The following OR10A2 variants were observed in gnomAD, a reference collection of about 807,000 sequenced individuals.
OR10A2 encodes olfactory receptor family 10 subfamily A member 2, also known as olfactory receptor 10A2.
Under a neutral mutation model 13.7 loss-of-function variants are expected in OR10A2, and 15 were observed. That is an observed-to-expected ratio of 1.10 (90% CI 0.73 to 1.69). The LOEUF is 1.69. OR10A2 is among the 40% of genes most tolerant of loss of function. OR10A2 has a pLI of 0.00. For synonymous variants in OR10A2, 145 were observed against 144.7 expected (o/e 1.00, Z -0.02); for missense variants, 343 against 361.1 (o/e 0.95, Z 0.41).
At position 6,870,024 on chromosome 11, in the gene OR10A2, C is replaced by T. The variant is rs1456501811; in HGVS notation, c.270C>T (p.Phe90=). ...SFLGCATQMY[F]FFFFGVAECF... Reference sequence around the variant, plus strand: ...TTGGCTGTGCCACTCAGATGTATTTCTTCTTCTTCTTTGGAGTGGCTGAAT... The same window carrying T: ...TTGGCTGTGCCACTCAGATGTATTTTTTCTTCTTCTTTGGAGTGGCTGAAT... The change falls in exon 2 of 2, where the codon TTC becomes TTT. Residue 90 remains phenylalanine (F), a synonymous_variant. Transcript: ENST00000641461. The T allele has an allele frequency of 6.2e-7, 1 of 1,612,474 alleles. No homozygotes were observed. Among genetic ancestry groups the T allele is most frequent in the Non-Finnish European group, 8.5e-7 (1 of 1,178,482 alleles).
chr11:6,873,217 C>A lies in OR10A2; in HGVS notation c.*2551C>A, dbSNP rs1848454039. 1 of 152,152 alleles carries A rather than the reference C, an allele frequency of 6.6e-6. No individual in the cohort carries two copies. The highest frequency in any genetic ancestry group is 2.1e-4 in the South Asian group (1 of 4,828). 9.4% of individuals were successfully genotyped at this position (152,152 alleles called of 1,614,324 possible). On this transcript the variant is annotated 3_prime_UTR_variant, in exon 2 of 2. Transcript: ENST00000641461. Reference sequence around the variant, plus strand: ...AAGTAGGGCTAGGGTTAGGGCTAGACTCAAAATACATGCAACTTTAAAGAC... The same window carrying A: ...AAGTAGGGCTAGGGTTAGGGCTAGAATCAAAATACATGCAACTTTAAAGAC...
Position 6,870,093 on chromosome 11 carries a change from C to A in OR10A2, c.339C>A (p.Ile113=), listed in dbSNP as rs199800429. The part of the protein sequence containing the change: ...ATMAYDRYVA[I]CSPLHYPVIM... ...TGGCATATGACCGCTATGTGGCCAT[C>A]TGCAGTCCCTTGCACTACCCAGTCA... Residue 113 remains isoleucine (I), a synonymous_variant, in exon 2 of 2, where the codon ATC becomes ATA. Coordinates refer to ENST00000641461, the MANE Select transcript of OR10A2 (RefSeq NM_001004460.2). 5.0e-6 allele frequency: 8 copies of A among 1,614,240 alleles called. No individual in the cohort carries two copies. The African/African-American group carries it at 8.0e-5, about 16-fold the overall frequency.
At chr11:6,867,791 C>G (rs1475995358) in intron 1 of OR10A2, among the ~76,000 whole-genome samples, 2 of 151,994 alleles carry the variant, frequency 1.3e-5, no homozygotes, top group Non-Finnish European at 2.9e-5. Context: ...ACTCTGTCAC[C>G]CAGGCTGGAG....
rs1848465809 is a variant in OR10A2, at chr11:6,874,465, T to A, written c.*3799T>A. ...TGCCCATCTTTAGAAATTGTGTTGC[T>A]TTGTTCTTACTACCACCCTGTACTG... On this transcript the variant is annotated 3_prime_UTR_variant, in exon 2 of 2. Transcript: ENST00000641461. 6.6e-6 allele frequency: 1 copy of A among 152,234 alleles called. No individual in the cohort carries two copies. The highest frequency in any genetic ancestry group is 2.1e-4 in the South Asian group (1 of 4,828). The allele number at this position is 152,234 out of a possible 1,614,324, so 9.4% of individuals were successfully genotyped here. A position where few individuals can be genotyped will look rare whatever the true frequency, so the allele number is the denominator to read the frequency against.
chr11:6,871,373 T>C lies in OR10A2; in HGVS notation c.*707T>C, dbSNP rs1293079158. The C allele has an allele frequency of 2.6e-5, 4 of 151,174 alleles. No homozygotes were observed. The highest frequency in any genetic ancestry group is 4.2e-4 in the South Asian group (2 of 4,710). 9.4% of individuals were successfully genotyped at this position (151,174 alleles called of 1,614,324 possible). A position where few individuals can be genotyped will look rare whatever the true frequency, so the allele number is the denominator to read the frequency against. ...AATCATCTTGTCACTTTTCCTCTTC[T>C]GGGCAGATCTGACTCTACATTCATG... On this transcript the variant is annotated 3_prime_UTR_variant, in exon 2 of 2. Coordinates refer to ENST00000641461, the MANE Select transcript of OR10A2 (RefSeq NM_001004460.2).
rs572380906 is a variant in OR10A2, at chr11:6,868,653, TAA to T, written c.-132-968_-132-967del. Reference sequence around the variant, plus strand: ...CAGTTCTGGTTTTTACTGTTCCTAATAAAGTTTTTAATTTTTATTATTAATTT... The same window carrying T: ...CAGTTCTGGTTTTTACTGTTCCTAATAGTTTTTAATTTTTATTATTAATTT... On this transcript the variant is annotated intron_variant, in intron 1 of 1. Transcript: ENST00000641461. 1.6e-3 allele frequency among the ~76,000 whole-genome samples: 236 copies of T among 148,944 alleles called. 1 individual carries two copies. The highest frequency in any genetic ancestry group is 5.7e-3 in the African/African-American group (233 of 41,116).
In OR10A2 at chr11:6,863,962, T is replaced by A. The variant is rs1294466851; in HGVS notation, c.-133+611T>A. Among the ~76,000 whole-genome samples the A allele has an allele frequency of 2.0e-5, 3 of 152,216 alleles. No individual in the cohort carries two copies. The South Asian group carries it at 6.2e-4, about 32-fold the overall frequency. ...AAACTTTGTTAAAACATTATAAGAT[T>A]TTTTTCCTTTCTTTTTTGCTTATAA... On this transcript the variant is annotated intron_variant, in intron 1 of 1. Coordinates refer to ENST00000641461, the MANE Select transcript of OR10A2 (RefSeq NM_001004460.2).
Position 6,869,750 on chromosome 11 carries a change from T to C in OR10A2, c.-5T>C. The C allele has an allele frequency of 1.9e-6, 3 of 1,612,588 alleles. No individual in the cohort carries two copies. The highest frequency in any genetic ancestry group is 2.5e-6 in the Non-Finnish European group (3 of 1,178,812). ...AACTGGACAAGAATAAGTGAGTTTATCCTCATGAGCTTCTCTTCCCTGCCT... is the reference window on the plus strand; with the variant it reads ...AACTGGACAAGAATAAGTGAGTTTACCCTCATGAGCTTCTCTTCCCTGCCT... On this transcript the variant is annotated 5_prime_UTR_variant, in exon 2 of 2. Transcript: ENST00000641461.
In OR10A2 at chr11:6,872,029, CAACAAT is replaced by C. The variant is rs2133071281; in HGVS notation, c.*1368_*1373del. 1 of 152,196 alleles carries C rather than the reference CAACAAT, an allele frequency of 6.6e-6. No homozygotes were observed. Among genetic ancestry groups the C allele is most frequent in the African/African-American group, 2.4e-5 (1 of 41,528 alleles). The allele number at this position is 152,196 out of a possible 1,614,324, so 9.4% of individuals were successfully genotyped here. On this transcript the variant is annotated 3_prime_UTR_variant, in exon 2 of 2. Transcript: ENST00000641461. ...ATGAGGTGTTTGTTTCCCCACAACT[CAACAAT>C]AACATTTCTCATGAAATATTTAGAA...
chr11:6,874,694 G>A lies in OR10A2; in HGVS notation c.*4028G>A, dbSNP rs988720290. The A allele has an allele frequency of 1.3e-5, 2 of 152,170 alleles. No individual in the cohort carries two copies. Among genetic ancestry groups the A allele is most frequent in the African/African-American group, 4.8e-5 (2 of 41,432 alleles). The allele number at this position is 152,170 out of a possible 1,614,324, so 9.4% of individuals were successfully genotyped here. On this transcript the variant is annotated 3_prime_UTR_variant, in exon 2 of 2. Coordinates refer to ENST00000641461, the MANE Select transcript of OR10A2 (RefSeq NM_001004460.2). ...AATACTATCTGTATCTTCAGGTGTT[G>A]TGAGAATCAAATAAGATAATACATG... is the stretch of plus-strand genomic sequence containing the variant.
Position 6,864,880 on chromosome 11 carries a change from C to T in OR10A2, c.-133+1529C>T, listed in dbSNP as rs574010378. On this transcript the variant is annotated intron_variant, in intron 1 of 1. Transcript: ENST00000641461. Reference sequence around the variant, plus strand: ...TAAATTTTTCTGTTTTAAGTTCAGGCTCTGCCATTTATTTTCCATATAATT... The same window carrying T: ...TAAATTTTTCTGTTTTAAGTTCAGGTTCTGCCATTTATTTTCCATATAATT... 6.0e-5 allele frequency among the ~76,000 whole-genome samples: 9 copies of T among 149,344 alleles called. No individual in the cohort carries two copies. The South Asian group carries it at 1.7e-3, about 28-fold the overall frequency.
At position 6,869,777 on chromosome 11, in the gene OR10A2, C is replaced by A; in HGVS notation, c.23C>A (p.Thr8Asn). ...CTCATGAGCTTCTCTTCCCTGCCTACTGAAATACAGTCATTACTCTTTCTG... is the reference window on the plus strand; with the variant it reads ...CTCATGAGCTTCTCTTCCCTGCCTAATGAAATACAGTCATTACTCTTTCTG... MSFSSLP[T>N]EIQSLLFLTF... The change falls in exon 2 of 2, where the codon ACT (threonine) becomes AAT (asparagine). Residue 8 changes from threonine to asparagine, a missense_variant. Transcript: ENST00000641461. 1 of 1,614,084 alleles carries A rather than the reference C, an allele frequency of 6.2e-7. No individual in the cohort carries two copies. Among genetic ancestry groups the A allele is most frequent in the Non-Finnish European group, 8.5e-7 (1 of 1,179,920 alleles).
At chr11:6,866,498 A>G (rs1848379540) in intron 1 of OR10A2, among the ~76,000 whole-genome samples, 1 of 152,170 alleles carries the variant, frequency 6.6e-6, no homozygotes, top group African/African-American at 2.4e-5. Context: ...AACATCTCTG[A>G]TACTATTTAC....
rs1848464067 is a variant in OR10A2 at position 6,874,252 on chromosome 11, T to TA, written c.*3586_*3587insA. The TA allele has an allele frequency of 3.3e-5, 5 of 152,226 alleles. No individual in the cohort carries two copies. Among genetic ancestry groups the TA allele is most frequent in the African/African-American group, 1.2e-4 (5 of 41,448 alleles). 9.4% of individuals were successfully genotyped at this position (152,226 alleles called of 1,614,324 possible). The stretch of plus-strand genomic sequence containing the variant: ...TTTTCTTCATTATCTATTAAATTAT[T>TA]CAATAACAATTTACTGGGCATCTAC... On this transcript the variant is annotated 3_prime_UTR_variant, in exon 2 of 2. Coordinates refer to ENST00000641461, the MANE Select transcript of OR10A2 (RefSeq NM_001004460.2).
In OR10A2 at chr11:6,870,766, C is replaced by A; in HGVS notation, c.*100C>A. 9.8e-7 allele frequency: 1 copy of A among 1,015,240 alleles called. No homozygotes were observed. The allele number at this position is 1,015,240 out of a possible 1,614,324, so 62.9% of individuals were successfully genotyped here. On this transcript the variant is annotated 3_prime_UTR_variant, in exon 2 of 2. Coordinates refer to ENST00000641461, the MANE Select transcript of OR10A2 (RefSeq NM_001004460.2). ...TTCCACATCTCCAATAAGATGAAGT[C>A]CTGTTGCTGAAATGGCTTTTGGAAA... is the stretch of plus-strand genomic sequence containing the variant.
rs747363841 is a variant in OR10A2, at chr11:6,870,250, T to C, written c.496T>C (p.Cys166Arg). ...CACCAACAAGGTGAACCACTTCTTC[T>C]GTGACAGCCCACCTGTGCTGAGGCT... ...CGTNKVNHFFCDSPPVLRLVC... is the reference protein window; with the variant it reads ...CGTNKVNHFFRDSPPVLRLVC... Residue 166 changes from cysteine (C) to arginine (R), a missense_variant, in exon 2 of 2, where the codon TGT becomes CGT. Transcript: ENST00000641461. 9 of 1,614,208 alleles carry C rather than the reference T, an allele frequency of 5.6e-6. No individual in the cohort carries two copies. Among genetic ancestry groups the C allele is most frequent in the Middle Eastern group, 1.6e-4 (1 of 6,062 alleles).
chr11:6,869,675 T>C lies in OR10A2; in HGVS notation c.-80T>C, dbSNP rs1848408474. The C allele has an allele frequency of 2.5e-6, 3 of 1,185,262 alleles. No homozygotes were observed. Among genetic ancestry groups the C allele is most frequent in the South Asian group, 1.4e-5 (1 of 72,002 alleles). 73.4% of individuals were successfully genotyped at this position (1,185,262 alleles called of 1,614,324 possible). On this transcript the variant is annotated 5_prime_UTR_variant, in exon 2 of 2. Transcript: ENST00000641461. ...GAATCTGACTTCCAATCAATAATCTTTCTCCATGACCACAGTTGGGGACTT... is the reference window on the plus strand; with the variant it reads ...GAATCTGACTTCCAATCAATAATCTCTCTCCATGACCACAGTTGGGGACTT...
chr11:6,863,718 G>A (rs1234232777), intron 1 of OR10A2, among the ~76,000 whole-genome samples: 1 of 152,088 alleles, frequency 6.6e-6, no homozygotes, highest in Non-Finnish European at 1.5e-5. Flanking sequence ...TTGCCTCAGT[G>A]GAACATTTAT....
In OR10A2 at chr11:6,872,991, T is replaced by A. The variant is rs572723351; in HGVS notation, c.*2325T>A. ...TGCCAAGCCATGCCCAACTAATTTTTTTTTTGTATTTTTTAGTAGAGATGC... is the reference window on the plus strand; with the variant it reads ...TGCCAAGCCATGCCCAACTAATTTTATTTTTGTATTTTTTAGTAGAGATGC... On this transcript the variant is annotated 3_prime_UTR_variant, in exon 2 of 2. Coordinates refer to ENST00000641461, the MANE Select transcript of OR10A2 (RefSeq NM_001004460.2). 6.6e-6 allele frequency: 1 copy of A among 151,146 alleles called. No homozygotes were observed. The highest frequency in any genetic ancestry group is 1.9e-4 in the East Asian group (1 of 5,136). 9.4% of individuals were successfully genotyped at this position (151,146 alleles called of 1,614,324 possible). A position where few individuals can be genotyped will look rare whatever the true frequency, so the allele number is the denominator to read the frequency against.
Sources: gnomAD v4.1 joint callset for allele counts (sites outside exome capture counted in the v4.1 genomes callset) on GRCh38, gnomAD v4.1.1 for gene constraint, MANE v1.5 for transcripts, NCBI Gene and HGNC (gene_info 2026-07-23, HGNC 2026-07-21) for gene names.